Variants in ZSCAN25 observed in about 807,000 individuals in gnomAD.
ZSCAN25 encodes the protein zinc finger and SCAN domain-containing protein 25.
In ZSCAN25, 27 loss-of-function variants were observed where a neutral mutation model predicts 38.7. The observed-to-expected ratio is 0.70, with a 90% CI of 0.51 to 0.96. The LOEUF is 0.96. Ranked by LOEUF, ZSCAN25 falls within the 40% of genes least tolerant of loss-of-function variation. ZSCAN25 has a pLI of 0.00. For missense variants in ZSCAN25, 637 were observed against 705.9 expected (o/e 0.90, Z 1.11); for synonymous variants, 273 against 277.7 (o/e 0.98, Z 0.17).
the ZSCAN25 span, chr7:99,695,834 C>T: frequency 1.2e-6 from 2 of 1,613,272 alleles, no homozygotes; most frequent in Non-Finnish European, 1.7e-6. Context: ...TGAATGGGCT[C>T]CATATCTACA....
At chr7:99,684,486 C>G in the ZSCAN25 span, among the ~76,000 whole-genome samples, 1 of 152,154 alleles carries the variant, frequency 6.6e-6, no homozygotes, top group Non-Finnish European at 1.5e-5. Flanking sequence ...CATAATTAAA[C>G]TATGAATGTT....
At chr7:99,690,270 C>T in the ZSCAN25 span, among the ~76,000 whole-genome samples, 17 of 152,304 alleles carry the variant, frequency 1.1e-4, no homozygotes, top group African/African-American at 2.6e-4. Context: ...TGGATCCCTT[C>T]CTTACAACTT....
the ZSCAN25 span, among the ~76,000 whole-genome samples, chr7:99,701,207 G>A: frequency 6.6e-6 from 1 of 152,206 alleles, no homozygotes; most frequent in Non-Finnish European, 1.5e-5. Flanking sequence ...TGCAATGTCT[G>A]TCTTTGTGTG....
chr7:99,665,147 G>T, the ZSCAN25 span: 2 of 1,563,670 alleles, frequency 1.3e-6, no homozygotes, highest in Admixed American at 1.9e-5. Context: ...AAGAGAGAAA[G>T]AAATAATAGC....
At chr7:99,673,965 GA>G in the ZSCAN25 span, among the ~76,000 whole-genome samples, 2 of 152,204 alleles carry the variant, frequency 1.3e-5, no homozygotes, top group East Asian at 3.8e-4. Flanking sequence ...GACAAGCCTC[GA>G]AAAGTTTTAC....
the ZSCAN25 span, chr7:99,715,332 C>T: frequency 5.0e-6 from 1 of 199,100 alleles, no homozygotes; most frequent in Non-Finnish European, 1.0e-5. Context: ...AATCAATAAT[C>T]TACATTCATG....
the ZSCAN25 span, among the ~76,000 whole-genome samples, chr7:99,708,390 T>C: frequency 6.6e-6 from 1 of 152,122 alleles, no homozygotes; most frequent in East Asian, 1.9e-4. Context: ...TTCAAAATTG[T>C]TATTTTGCAC....
the ZSCAN25 span, chr7:99,648,079 G>A: frequency 8.8e-7 from 1 of 1,139,488 alleles, no homozygotes; most frequent in Non-Finnish European, 1.1e-6. Context: ...GAGAAGCTGA[G>A]TCTACCTATC....
At chr7:99,623,964 A>T in intron 6 of ZSCAN25, 93 bp from the exon 7 acceptor site, 3 of 1,558,806 alleles carry the variant, frequency 1.9e-6, no homozygotes, top group Non-Finnish European at 2.6e-6. Context: ...TGTTGGGAGG[A>T]AGCTGGTTGG....
rs1363724978 is a variant in ZSCAN25, at chr7:99,631,195, ATTTG to A, written c.*1177_*1180del. On this transcript the variant is annotated 3_prime_UTR_variant, in exon 8 of 8. Transcript: ENST00000394152. ...TTGTCAGCATCTTGCCCTGAAATGC[ATTTG>A]TCACCTACCTCTTGTTACTAAATGG... 1.0e-6 allele frequency: 1 copy of A among 985,256 alleles called. No homozygotes were observed. The highest frequency in any genetic ancestry group is 1.2e-6 in the Non-Finnish European group (1 of 829,934). 61.0% of individuals were successfully genotyped at this position (985,256 alleles called of 1,614,324 possible). A position where few individuals can be genotyped will look rare whatever the true frequency, so the allele number is the denominator to read the frequency against.
At chr7:99,735,146 C>T in the ZSCAN25 span, 1 of 1,608,496 alleles carries the variant, frequency 6.2e-7, no homozygotes, top group African/African-American at 1.3e-5. Context: ...CAGCAGCGTG[C>T]TGCTGTTTGC....
Position 99,624,063 on chromosome 7 carries a change from G to A in ZSCAN25, c.688G>A (p.Gly230Arg), listed in dbSNP as rs1461183558. ...CAATCTCCTATTGTTGCAGGGGTTG[G>A]GGCCATTTAAAGATATGGCCCTGGC... is the stretch of plus-strand genomic sequence containing the variant. ...GFFTAGSQGLGPFKDMALAFP... is the reference protein window; with the variant it reads ...GFFTAGSQGLRPFKDMALAFP... Residue 230 changes from glycine to arginine, a missense_variant, in exon 7 of 8, where the codon GGG becomes AGG. Transcript: ENST00000394152. The A allele has an allele frequency of 6.2e-7, 1 of 1,614,146 alleles. No homozygotes were observed. The highest frequency in any genetic ancestry group is 1.1e-5 in the South Asian group (1 of 91,078).
the ZSCAN25 span, among the ~76,000 whole-genome samples, chr7:99,640,522 A>C: frequency 6.6e-6 from 1 of 152,144 alleles, no homozygotes; most frequent in Admixed American, 6.5e-5. Flanking sequence ...CCATCAGCAA[A>C]TCTTGCTTCT....
chr7:99,643,523 A>T, the ZSCAN25 span, among the ~76,000 whole-genome samples: 1 of 151,314 alleles, frequency 6.6e-6, no homozygotes, highest in Non-Finnish European at 1.5e-5. Context: ...CTTCATAGTG[A>T]TGTCAACTCT....
the ZSCAN25 span, among the ~76,000 whole-genome samples, chr7:99,729,136 T>A: frequency 6.6e-6 from 1 of 152,152 alleles, no homozygotes; most frequent in Non-Finnish European, 1.5e-5. Flanking sequence ...GTGTCTTAGC[T>A]CCTCCCTATT....
chr7:99,715,643 C>T, the ZSCAN25 span: 1 of 1,555,250 alleles, frequency 6.4e-7, no homozygotes, highest in Non-Finnish European at 8.8e-7. Context: ...TTCAAATGTA[C>T]TACAAACCAT....
the ZSCAN25 span, among the ~76,000 whole-genome samples, chr7:99,647,195 ACCTCTGTGTG>A: frequency 1.3e-5 from 2 of 152,042 alleles, no homozygotes; most frequent in Admixed American, 1.3e-4. Flanking sequence ...TGAAGGCCAC[ACCTCTGTGTG>A]GACCCCTTCT....
chr7:99,688,931 A>G, the ZSCAN25 span, among the ~76,000 whole-genome samples: 1 of 152,218 alleles, frequency 6.6e-6, no homozygotes, highest in African/African-American at 2.4e-5. Flanking sequence ...GCTACATAAC[A>G]AAATGAAGGC....
At chr7:99,643,443 T>G in the ZSCAN25 span, among the ~76,000 whole-genome samples, 2 of 152,116 alleles carry the variant, frequency 1.3e-5, no homozygotes, top group African/African-American at 4.8e-5. Flanking sequence ...TTTTTTCATG[T>G]TCATTTTTTT....
Sources: gnomAD v4.1 joint callset for allele counts (sites outside exome capture counted in the v4.1 genomes callset) on GRCh38, gnomAD v4.1.1 for gene constraint, MANE v1.5 for transcripts, NCBI Gene and HGNC (gene_info 2026-07-23, HGNC 2026-07-21) for gene names.